ZAN: variants seen among roughly 807,000 people sequenced by gnomAD.
ZAN encodes zonadhesin.
Under a neutral mutation model 286.2 loss-of-function variants are expected in ZAN, and 260 were observed. That is an observed-to-expected ratio of 0.91 (90% CI 0.82 to 1.01). The LOEUF is 1.01. ZAN is among the 50% of genes least tolerant of loss of function. The pLI is 0.00. For missense variants in ZAN, 3,410 were observed against 3,639.2 expected (o/e 0.94, Z 1.62); for synonymous variants, 1,368 against 1,417.5 (o/e 0.97, Z 0.79).
chr7:100,738,446 T>G lies in ZAN; in HGVS notation c.614-15T>G. On this transcript the variant is annotated splice_polypyrimidine_tract_variant and intron_variant, in intron 6 of 47. Coordinates refer to ENST00000613979, the MANE Select transcript of ZAN (RefSeq NM_003386.3). ...GAAGAAAACATTATATCTTCCCTTC[T>G]TTCTTTCCTCTCAGTCTGTATGATG... 1 of 1,457,360 alleles carries G rather than the reference T, an allele frequency of 6.9e-7. No individual in the cohort carries two copies. 90.3% of individuals were successfully genotyped at this position (1,457,360 alleles called of 1,614,324 possible). A position where few individuals can be genotyped will look rare whatever the true frequency, so the allele number is the denominator to read the frequency against.
chr7:100,788,139 A>T lies in ZAN; in HGVS notation c.7227+3A>T. 1 of 1,485,452 alleles carries T rather than the reference A, an allele frequency of 6.7e-7. No individual in the cohort carries two copies. Among genetic ancestry groups the T allele is most frequent in the East Asian group, 2.3e-5 (1 of 42,896 alleles). The allele number at this position is 1,485,452 out of a possible 1,614,324, so 92.0% of individuals were successfully genotyped here. The stretch of plus-strand genomic sequence containing the variant: ...TCCAAGCTGGTCTGGAGCTTGTGGT[A>T]AGAGCTGGGCCAGGGCCTGGTGGGT... On this transcript the variant is annotated splice_donor_region_variant and intron_variant, in intron 38 of 47. Coordinates refer to ENST00000613979, the MANE Select transcript of ZAN (RefSeq NM_003386.3).
chr7:100,792,982 C>CAAAA (rs1232116032), intron 42 of ZAN, among the ~76,000 whole-genome samples: 40 of 50,956 alleles, frequency 7.8e-4, no homozygotes, highest in African/African-American at 1.5e-3. Context: ...CATCCTATCT[C>CAAAA]AAAAAAAAAA....
chr7:100,750,837 C>T lies in ZAN; in HGVS notation c.1462C>T (p.Arg488Cys), dbSNP rs563263050. Residue 488 changes from arginine (R) to cysteine (C), a missense_variant, in exon 12 of 48, where the codon CGC (arginine) becomes TGC (cysteine). Physicochemically the swap from Arg to Cys is radical, Grantham distance 180. Around this residue, in one of 7 missense-constraint regions of ZAN, gnomAD observed 872 missense variants for 938.9 expected, o/e 0.93. Transcript: ENST00000613979. ...TCTCTGGAAACGCGTGGGGTCTCAG[C>T]GCCCTTACTGGCAGAACACCTCCGT... ...IPLWKRVGSQ[R>C]PYWQNTSVTV... The T allele has an allele frequency of 1.2e-5, 19 of 1,593,456 alleles. No individual in the cohort carries two copies. Among genetic ancestry groups the T allele is most frequent in the South Asian group, 3.4e-5 (3 of 87,484 alleles).
chr7:100,789,056 A>C (rs1013071860), intron 38 of ZAN, among the ~76,000 whole-genome samples, 162 bp from the exon 39 acceptor site: 1 of 152,140 alleles, frequency 6.6e-6, no homozygotes, highest in Non-Finnish European at 1.5e-5. Flanking sequence ...CGGACCTCAC[A>C]GAGGTTTCTG....
At chr7:100,783,787 C>CACACAT (rs1182700250) in intron 35 of ZAN, among the ~76,000 whole-genome samples, 524 of 10,984 alleles carry the variant, frequency 0.048, 39 homozygotes, top group South Asian at 0.25. Context: ...TATATATACA[C>CACACAT]ATATATATAT....
chr7:100,788,190 G>C, intron 38 of ZAN, 54 bp downstream of exon 38: 2 of 1,428,088 alleles, frequency 1.4e-6, no homozygotes, highest in Non-Finnish European at 1.8e-6. Context: ...GACCAGGTAG[G>C]CCACCTGGAG....
chr7:100,751,290 G>T, intron 13 of ZAN, 24 bp downstream of exon 13: 1 of 1,525,248 alleles, frequency 6.6e-7, no homozygotes. Flanking sequence ...CCAGGCTCCA[G>T]GAAGGGGGCG....
chr7:100,758,728 G>T, intron 17 of ZAN, 78 bp downstream of exon 17: 1 of 1,519,308 alleles, frequency 6.6e-7, no homozygotes, highest in South Asian at 1.2e-5. Flanking sequence ...ATGGTGGGTG[G>T]CAGGAAGGGG....
rs150591462 is a variant in ZAN, at chr7:100,777,123, A to T, written c.6317+559A>T. Reference sequence around the variant, plus strand: ...CAGTGGTATGATCTCGGCTCACTGCAACCTCCGCCTCCCGGGCTCAAGTGA... The same window carrying T: ...CAGTGGTATGATCTCGGCTCACTGCTACCTCCGCCTCCCGGGCTCAAGTGA... On this transcript the variant is annotated intron_variant, in intron 34 of 47. Coordinates refer to ENST00000613979, the MANE Select transcript of ZAN (RefSeq NM_003386.3). Among the ~76,000 whole-genome samples the T allele has an allele frequency of 9.0e-3, 1,351 of 150,180 alleles. 28 individuals carry two copies. Among genetic ancestry groups the T allele is most frequent in the African/African-American group, 0.031 (1,279 of 40,734 alleles).
chr7:100,782,392 G>A (rs1255622987), intron 35 of ZAN, among the ~76,000 whole-genome samples: 2 of 152,068 alleles, frequency 1.3e-5, no homozygotes, highest in East Asian at 1.9e-4. Context: ...GCAGTGGCAC[G>A]ATCCCGGATC....
At chr7:100,788,679 C>A (rs924340001) in intron 38 of ZAN, among the ~76,000 whole-genome samples, 1 of 152,086 alleles carries the variant, frequency 6.6e-6, no homozygotes, top group African/African-American at 2.4e-5. Context: ...GGCTGAAGAA[C>A]CAATGGCATC....
intron 19 of ZAN, among the ~76,000 whole-genome samples, chr7:100,761,207 A>T (rs1171284353): frequency 6.6e-6 from 1 of 152,130 alleles, no homozygotes; most frequent in Non-Finnish European, 1.5e-5. Context: ...AAGACTTTAT[A>T]AAAATACTTT....
rs1468549028 is a variant in ZAN, at chr7:100,770,098, G to A, written c.5248+124G>A. 3.4e-6 allele frequency: 3 copies of A among 876,348 alleles called. No individual in the cohort carries two copies. The African/African-American group carries it at 5.1e-5, about 15-fold the overall frequency. 54.3% of individuals were successfully genotyped at this position (876,348 alleles called of 1,614,324 possible). On this transcript the variant is annotated intron_variant, in intron 28 of 47. Coordinates refer to ENST00000613979, the MANE Select transcript of ZAN (RefSeq NM_003386.3). Reference sequence around the variant, plus strand: ...ATGGAAAAGCATGAGGAAGGCAAATGGGAACACAGGGCCAGCCAGCAGTCA... The same window carrying A: ...ATGGAAAAGCATGAGGAAGGCAAATAGGAACACAGGGCCAGCCAGCAGTCA...
At chr7:100,786,466 G>A (rs753861412) in intron 37 of ZAN, among the ~76,000 whole-genome samples, 4 of 152,152 alleles carry the variant, frequency 2.6e-5, no homozygotes, top group Admixed American at 2.0e-4. Context: ...GAGTGCACTG[G>A]CACCATCATA....
chr7:100,744,473 C>T (rs74710022), intron 7 of ZAN, among the ~76,000 whole-genome samples: 2,267 of 150,982 alleles, frequency 0.015, 105 homozygotes, highest in African/African-American at 0.051. Context: ...GTGGTGTGCA[C>T]CTGTAATCCC....
rs910595479 is a variant in ZAN at position 100,737,896 on chromosome 7, G to C, written c.613+547G>C. On this transcript the variant is annotated intron_variant, in intron 6 of 47. Transcript: ENST00000613979. ...GTGGGAGGATGGTGTGAGGCCAGGA[G>C]TTTGAGATCAGCCTGGGCAACATAA... 7.8e-5 allele frequency among the ~76,000 whole-genome samples: 11 copies of C among 140,296 alleles called. 2 individuals are homozygous for C. The highest frequency in any genetic ancestry group is 1.6e-4 in the Non-Finnish European group (10 of 62,766). 92.0% of individuals were successfully genotyped at this position (140,296 alleles called of 152,430 possible).
At chr7:100,759,635 CCCTGCGG>C in intron 17 of ZAN, 79 bp from the exon 18 acceptor site, 1 of 1,343,076 alleles carries the variant, frequency 7.4e-7, no homozygotes, top group Non-Finnish European at 9.6e-7. Context: ...GCTCATCTCT[CCCTGCGG>C]CGCCAGGCTC....
intron 39 of ZAN, 61 bp from the exon 40 acceptor site, chr7:100,790,879 TAA>T (rs5886138): frequency 0.057 from 65,759 of 1,154,566 alleles, no homozygotes; most frequent in East Asian, 0.069. Context: ...CAAGACTGTC[TAA>T]AAAAAAAAAA....
In ZAN at chr7:100,746,536, A is replaced by G. The variant is rs373682366; in HGVS notation, c.767-2A>G. 2.9e-5 allele frequency: 46 copies of G among 1,613,742 alleles called. No individual in the cohort carries two copies. The highest frequency in any genetic ancestry group is 1.2e-4 in the Admixed American group (7 of 59,966). On this transcript the variant is annotated splice_acceptor_variant, in intron 7 of 47. Coordinates refer to ENST00000613979, the MANE Select transcript of ZAN (RefSeq NM_003386.3). LOFTEE classifies it high-confidence loss of function. Reference sequence around the variant, plus strand: ...CCAGTTCCCTGGCCTTTTGCTTCACAGGTGGCTGCTACATGCTCCTGGACC... The same window carrying G: ...CCAGTTCCCTGGCCTTTTGCTTCACGGGTGGCTGCTACATGCTCCTGGACC...
Sources: gnomAD v4.1 joint callset for allele counts (sites outside exome capture counted in the v4.1 genomes callset) on GRCh38, gnomAD v4.1.1 for gene constraint, gnomAD v4.1.1 regional missense constraint, MANE v1.5 for transcripts, NCBI Gene and HGNC (gene_info 2026-07-23, HGNC 2026-07-21) for gene names.